The following RNF150 variants were observed in gnomAD, a reference collection of about 807,000 sequenced individuals.
RNF150 encodes ring finger protein 150.
Under a neutral mutation model 39.3 loss-of-function variants are expected in RNF150, and 24 were observed. The ratio of observed to expected loss-of-function variants is 0.61; its 90% CI spans 0.44 to 0.86. RNF150 has a LOEUF of 0.86. Ranked by LOEUF, RNF150 falls within the 40% of genes least tolerant of loss-of-function variation. The pLI is 0.00. For missense variants in RNF150, 502 were observed against 587.8 expected (o/e 0.85, Z 1.51); for synonymous variants, 255 against 227.3 (o/e 1.12, Z -1.10).
intron 1 of RNF150, among the ~76,000 whole-genome samples, chr4:141,168,014 G>A (rs1034732479): frequency 3.3e-5 from 5 of 152,118 alleles, no homozygotes; most frequent in Admixed American, 1.3e-4. Flanking sequence ...GCAACCTACA[G>A]AATGGGAGAA....
chr4:140,913,699 T>C (rs756956156), intron 5 of RNF150, among the ~76,000 whole-genome samples: 1 of 152,148 alleles, frequency 6.6e-6, no homozygotes, highest in Non-Finnish European at 1.5e-5. Context: ...CCCCAAACAT[T>C]GTAAAGTGAA....
At chr4:141,193,106 CAT>C (rs1365641097) in intron 1 of RNF150, among the ~76,000 whole-genome samples, 1 of 152,212 alleles carries the variant, frequency 6.6e-6, no homozygotes, top group Non-Finnish European at 1.5e-5. Context: ...TAATATAATA[CAT>C]GTTTCATTCA....
At chr4:141,048,338 AG>A (rs1736657337) in intron 1 of RNF150, among the ~76,000 whole-genome samples, 2 of 152,228 alleles carry the variant, frequency 1.3e-5, no homozygotes, top group Non-Finnish European at 2.9e-5. Context: ...CTATGTCTGA[AG>A]AAATGATACA....
At position 140,911,334 on chromosome 4, in the gene RNF150, G is replaced by A. The variant is rs773095452; in HGVS notation, c.1008C>T (p.Asp336=). 1.3e-5 allele frequency: 21 copies of A among 1,613,990 alleles called. No individual in the cohort carries two copies. In the Admixed American group the frequency reaches 2.3e-4, roughly 18 times the overall value. Residue 336 remains aspartate, a synonymous_variant, in exon 6 of 7, where the codon GAC becomes GAT. Transcript: ENST00000515673. Reference sequence around the variant, plus strand: ...AGCCCTCGAAGTCAGTGGGCAAGTCGTCCATGCAGTCGGCATTGGGCTGAT... The same window carrying A: ...AGCCCTCGAAGTCAGTGGGCAAGTCATCCATGCAGTCGGCATTGGGCTGAT... ...LGIPPNADCM[D]DLPTDFEGSL...
chr4:140,915,034 G>T (rs538647961), intron 5 of RNF150, among the ~76,000 whole-genome samples: 1 of 152,172 alleles, frequency 6.6e-6, no homozygotes, highest in Non-Finnish European at 1.5e-5. Context: ...AGTTGTTTGC[G>T]AGTTGATACT....
chr4:141,124,645 G>A (rs28457672), intron 1 of RNF150, among the ~76,000 whole-genome samples: 8,144 of 152,140 alleles, frequency 0.054, 646 homozygotes, highest in African/African-American at 0.17. Flanking sequence ...GGGGAAACAA[G>A]CATTTGTATG....
intron 4 of RNF150, among the ~76,000 whole-genome samples, chr4:140,927,018 A>T (rs1731424879): frequency 1.3e-5 from 2 of 152,154 alleles, no homozygotes; most frequent in Admixed American, 6.5e-5. Flanking sequence ...GAATATTTCT[A>T]TTCTGTTCTC....
chr4:141,144,933 T>G (rs1727176244), intron 1 of RNF150, among the ~76,000 whole-genome samples: 1 of 152,200 alleles, frequency 6.6e-6, no homozygotes, highest in Non-Finnish European at 1.5e-5. Flanking sequence ...ATAATTTAAA[T>G]TTGATAATAA....
At chr4:140,941,439 GT>G (rs1732079234) in intron 4 of RNF150, among the ~76,000 whole-genome samples, 1 of 152,128 alleles carries the variant, frequency 6.6e-6, no homozygotes, top group Non-Finnish European at 1.5e-5. Context: ...CATGTTTTTA[GT>G]TTTCTTGTGA....
At chr4:141,202,368 T>TAGC (rs1189921298) in intron 1 of RNF150, among the ~76,000 whole-genome samples, 1 of 152,036 alleles carries the variant, frequency 6.6e-6, no homozygotes, top group African/African-American at 2.4e-5. Flanking sequence ...TAAAAAAAAA[T>TAGC]AGCTGAGTTC....
intron 1 of RNF150, among the ~76,000 whole-genome samples, chr4:141,198,581 C>T (rs903882420): frequency 5.3e-5 from 8 of 151,966 alleles, no homozygotes; most frequent in African/African-American, 1.2e-4. Flanking sequence ...ATGACAAGAG[C>T]GAAAAATGAT....
intron 4 of RNF150, among the ~76,000 whole-genome samples, chr4:140,937,083 T>C (rs1731889300): frequency 6.6e-6 from 1 of 152,094 alleles, no homozygotes; most frequent in Non-Finnish European, 1.5e-5. Context: ...ATCTAGTAAG[T>C]TCACTTTAGG....
intron 1 of RNF150, among the ~76,000 whole-genome samples, chr4:141,015,766 G>A (rs565163938): frequency 6.6e-6 from 1 of 152,034 alleles, no homozygotes; most frequent in East Asian, 1.9e-4. Flanking sequence ...TAATTGCTCT[G>A]GCTAGCATAT....
At chr4:141,175,506 A>G (rs1727794750) in intron 1 of RNF150, among the ~76,000 whole-genome samples, 1 of 152,188 alleles carries the variant, frequency 6.6e-6, no homozygotes, top group Non-Finnish European at 1.5e-5. Context: ...GTAACATCCA[A>G]AGAAAAGTTC....
intron 1 of RNF150, among the ~76,000 whole-genome samples, chr4:141,114,243 CA>C (rs1340171539): frequency 2.6e-5 from 4 of 151,902 alleles, no homozygotes; most frequent in African/African-American, 9.7e-5. Context: ...AAAAGATTAA[CA>C]AAGTAGATAG....
At chr4:141,189,446 C>A (rs1325045881) in intron 1 of RNF150, among the ~76,000 whole-genome samples, 2 of 152,188 alleles carry the variant, frequency 1.3e-5, no homozygotes, top group Non-Finnish European at 2.9e-5. Flanking sequence ...ATCCACTGCT[C>A]TCTTCAGAGT....
upstream of RNF150, among the ~76,000 whole-genome samples, chr4:141,135,104 G>A (rs1727008516): frequency 6.6e-6 from 1 of 152,218 alleles, no homozygotes; most frequent in African/African-American, 2.4e-5. Context: ...AGTAAAATAG[G>A]AGCGAGGTTT....
chr4:141,132,401 G>T lies in RNF150; in HGVS notation c.408C>A (p.Phe136Leu). Residue 136 changes from phenylalanine (F) to leucine (L), a missense_variant, in exon 1 of 7, where the codon TTC becomes TTA. Physicochemically the swap from Phe to Leu is conservative, Grantham distance 22. Transcript: ENST00000515673. This position sits in a 1 kb window ranked among gnomAD's most constrained non-coding sequence, Gnocchi z 4.9. ...TGACCACGGCTGAGGCGTTCTGCAG[G>T]AACGCGTTCCGGATCTTATCCCTGT... ...CTYRDKIRNA[F>L]LQNASAVVIF... 1 of 1,606,886 alleles carries T rather than the reference G, an allele frequency of 6.2e-7. No homozygotes were observed. Among genetic ancestry groups the T allele is most frequent in the South Asian group, 1.1e-5 (1 of 89,174 alleles).
intron 6 of RNF150, among the ~76,000 whole-genome samples, chr4:140,886,205 A>AAG (rs1328064920): frequency 1.3e-5 from 2 of 151,752 alleles, no homozygotes; most frequent in South Asian, 2.1e-4. Context: ...AAAAAAAAAA[A>AAG]AAAAAAGAAA....
Sources: allele counts gnomAD v4.1 joint callset (sites outside exome capture counted in the v4.1 genomes callset), GRCh38; gene constraint gnomAD v4.1.1; non-coding constraint Gnocchi (gnomAD v3.1); transcripts MANE v1.5; gene names NCBI Gene and HGNC (gene_info 2026-07-23, HGNC 2026-07-21).